THSD1: variants seen among roughly 807,000 people sequenced by gnomAD.
THSD1 encodes the protein thrombospondin type 1 domain containing 1.
A neutral mutation model predicts 46.3 loss-of-function variants in THSD1; 34 were observed. The observed-to-expected ratio is 0.74, with a 90% CI of 0.56 to 0.98. THSD1 has a LOEUF of 0.98. Among genes scored for constraint, THSD1 ranks in the 50% least tolerant of loss-of-function variants. THSD1 has a pLI of 0.00. For missense variants in THSD1, 1,023 were observed against 1,058.3 expected (o/e 0.97, Z 0.46); for synonymous variants, 407 against 416.5 (o/e 0.98, Z 0.28).
In THSD1 at chr13:52,378,000, T is replaced by G. The variant is rs779651974; in HGVS notation, c.1970A>C (p.His657Pro). Reference sequence around the variant, plus strand: ...GAACGGCCGGGCCTGCCTGGCTTCATGGAAACTCGCTGTCCTCCTGAAATG... The same window carrying G: ...GAACGGCCGGGCCTGCCTGGCTTCAGGGAAACTCGCTGTCCTCCTGAAATG... The part of the protein sequence containing the change: ...NAHFRRTASF[H>P]EARQARPFRE... The change falls in exon 5 of 5, where the codon CAT (histidine) becomes CCT (proline). Residue 657 changes from histidine (H) to proline (P), a missense_variant. By Grantham distance (77) the His-to-Pro change is moderately conservative. Around this residue, in one of 3 missense-constraint regions of THSD1, gnomAD observed 578 missense variants for 497.4 expected, o/e 1.16. Coordinates refer to ENST00000258613, the MANE Select transcript of THSD1 (RefSeq NM_018676.4). 1.9e-6 allele frequency: 3 copies of G among 1,614,182 alleles called. No homozygotes were observed. The highest frequency in any genetic ancestry group is 2.5e-6 in the Non-Finnish European group (3 of 1,180,042).
chr13:52,406,010 G>C (rs953760801), intron 1 of THSD1, 21 bp downstream of exon 1: 1 of 152,308 alleles, frequency 6.6e-6, no homozygotes, highest in Non-Finnish European at 1.5e-5. Flanking sequence ...CGAACACCAG[G>C]ATGCGGAGGG....
intron 4 of THSD1, among the ~76,000 whole-genome samples, chr13:52,383,413 C>T (rs968984252): frequency 6.6e-6 from 1 of 152,232 alleles, no homozygotes; most frequent in Non-Finnish European, 1.5e-5. Context: ...TAAGAACATT[C>T]TTTTAAAGCC....
intron 3 of THSD1, among the ~76,000 whole-genome samples, chr13:52,386,571 G>A (rs1957732170): frequency 6.6e-6 from 1 of 152,128 alleles, no homozygotes; most frequent in Non-Finnish European, 1.5e-5. Context: ...AAAGCCTAGT[G>A]GAGTAGCACA....
At chr13:52,398,218 G>T in intron 2 of THSD1, 24 bp from the exon 3 acceptor site, 1 of 1,585,538 alleles carries the variant, frequency 6.3e-7, no homozygotes. Context: ...GTCAGAATTG[G>T]TTTTTAAAAG....
intron 3 of THSD1, 56 bp downstream of exon 3, chr13:52,397,176 A>T: frequency 7.0e-7 from 1 of 1,427,356 alleles, no homozygotes; most frequent in African/African-American, 1.4e-5. Context: ...AATTCTAAAT[A>T]ATTTTGATTA....
intron 3 of THSD1, 116 bp downstream of exon 3, chr13:52,397,116 T>C: frequency 2.2e-6 from 2 of 915,032 alleles, no homozygotes; most frequent in East Asian, 5.2e-5. Flanking sequence ...TGGTACATTA[T>C]AAGGCATGAA....
chr13:52,392,190 CAAAAA>C (rs368671089), intron 3 of THSD1, among the ~76,000 whole-genome samples: 93 of 69,716 alleles, frequency 1.3e-3, no homozygotes, highest in Middle Eastern at 8.6e-3. Context: ...AGACTCCTCT[CAAAAA>C]AAAAAAAAAA....
Position 52,378,333 on chromosome 13 carries a change from G to C in THSD1, c.1637C>G (p.Thr546Arg), listed in dbSNP as rs750456817. 3.1e-6 allele frequency: 5 copies of C among 1,614,192 alleles called. No homozygotes were observed. The highest frequency in any genetic ancestry group is 3.4e-6 in the Non-Finnish European group (4 of 1,180,044). ...QLKEMKKKGL[T>R]ETTKVYHVSQ... is the part of the protein sequence containing the mutation. ...CACGTGATACACTTTGGTAGTTTCCGTCAGACCTTTCTTTTTCATCTCCTT... is the reference window on the plus strand; with the variant it reads ...CACGTGATACACTTTGGTAGTTTCCCTCAGACCTTTCTTTTTCATCTCCTT... Residue 546 changes from threonine to arginine, a missense_variant, in exon 5 of 5, where the codon ACG becomes AGG. Around this residue, in one of 3 missense-constraint regions of THSD1, gnomAD observed 578 missense variants for 497.4 expected, o/e 1.16. Coordinates refer to ENST00000258613, the MANE Select transcript of THSD1 (RefSeq NM_018676.4).
chr13:52,382,916 C>T (rs758214436), intron 4 of THSD1, among the ~76,000 whole-genome samples: 1 of 151,962 alleles, frequency 6.6e-6, no homozygotes, highest in Non-Finnish European at 1.5e-5. Flanking sequence ...GCAGCAGAAT[C>T]GCTTGAACCC....
At chr13:52,381,870 G>T (rs1317748239) in intron 4 of THSD1, among the ~76,000 whole-genome samples, 2 of 152,152 alleles carry the variant, frequency 1.3e-5, no homozygotes, top group Non-Finnish European at 2.9e-5. Flanking sequence ...GTCTGCATTT[G>T]CTTACTGCTC....
intron 2 of THSD1, among the ~76,000 whole-genome samples, chr13:52,400,912 C>T (rs990389465): frequency 8.5e-5 from 13 of 152,122 alleles, no homozygotes; most frequent in African/African-American, 3.1e-4. Context: ...AAACCAAGAA[C>T]ACATACTTTT....
chr13:52,377,378 C>T lies in THSD1; in HGVS notation c.*33G>A, dbSNP rs1347128002. 6 of 1,521,058 alleles carry T rather than the reference C, an allele frequency of 3.9e-6. No homozygotes were observed. The Admixed American group carries it at 1.2e-4, about 31-fold the overall frequency. 94.2% of individuals were successfully genotyped at this position (1,521,058 alleles called of 1,614,324 possible). A position where few individuals can be genotyped will look rare whatever the true frequency, so the allele number is the denominator to read the frequency against. ...AGTCTACAAAACGCGAGTAGCAGAC[C>T]CCAGCTGTGTAAAGCTCAGGCTGAT... is the stretch of plus-strand genomic sequence containing the variant. On this transcript the variant is annotated 3_prime_UTR_variant, in exon 5 of 5. Transcript: ENST00000258613.
intron 4 of THSD1, among the ~76,000 whole-genome samples, chr13:52,381,284 G>C (rs761914194): frequency 1.1e-4 from 17 of 152,114 alleles, no homozygotes; most frequent in Non-Finnish European, 1.8e-4. Flanking sequence ...GCAGAAGTCT[G>C]ACCCTAGACA....
intron 3 of THSD1, among the ~76,000 whole-genome samples, chr13:52,396,399 G>T (rs1051421014): frequency 6.6e-6 from 1 of 152,082 alleles, no homozygotes; most frequent in Non-Finnish European, 1.5e-5. Flanking sequence ...GTGGGCGCCT[G>T]TAGTCCCAGC....
intron 4 of THSD1, among the ~76,000 whole-genome samples, chr13:52,381,396 C>T (rs766837880): frequency 9.2e-5 from 14 of 152,184 alleles, no homozygotes; most frequent in Non-Finnish European, 1.9e-4. Flanking sequence ...CCAACCTCAG[C>T]TGCCCACAAA....
At chr13:52,394,012 C>T (rs1020933136) in intron 3 of THSD1, among the ~76,000 whole-genome samples, 2 of 152,156 alleles carry the variant, frequency 1.3e-5, no homozygotes, top group African/African-American at 2.4e-5. Flanking sequence ...TAATGTGTCT[C>T]GCAGTTGGCT....
Position 52,392,383 on chromosome 13 carries a change from A to G in THSD1, c.1021+4849T>C, listed in dbSNP as rs866602975. On this transcript the variant is annotated intron_variant, in intron 3 of 4. Transcript: ENST00000258613. Reference sequence around the variant, plus strand: ...ATTTGTAAATGTCTTAAGTAACTCCATCTGATCCCTGAGATCTCCGCTAAT... The same window carrying G: ...ATTTGTAAATGTCTTAAGTAACTCCGTCTGATCCCTGAGATCTCCGCTAAT... Among the ~76,000 whole-genome samples the G allele has an allele frequency of 1.9e-4, 29 of 152,338 alleles. 1 individual carries two copies. The highest frequency in any genetic ancestry group is 4.1e-4 in the South Asian group (2 of 4,830).
Position 52,377,374 on chromosome 13 carries a change from A to C in THSD1, c.*37T>G. On this transcript the variant is annotated 3_prime_UTR_variant, in exon 5 of 5. Coordinates refer to ENST00000258613, the MANE Select transcript of THSD1 (RefSeq NM_018676.4). ...CAAAAGTCTACAAAACGCGAGTAGC[A>C]GACCCCAGCTGTGTAAAGCTCAGGC... is the stretch of plus-strand genomic sequence containing the variant. 6.6e-7 allele frequency: 1 copy of C among 1,505,814 alleles called. No individual in the cohort carries two copies. The highest frequency in any genetic ancestry group is 8.9e-7 in the Non-Finnish European group (1 of 1,124,082). The allele number at this position is 1,505,814 out of a possible 1,614,324, so 93.3% of individuals were successfully genotyped here. A position where few individuals can be genotyped will look rare whatever the true frequency, so the allele number is the denominator to read the frequency against.
At chr13:52,402,774 T>A in intron 1 of THSD1, 93 bp from the exon 2 acceptor site, 2 of 1,398,218 alleles carry the variant, frequency 1.4e-6, no homozygotes, top group Non-Finnish European at 1.9e-6. Context: ...AAACTCAAAC[T>A]TTCTAAGTGA....
Sources: allele counts gnomAD v4.1 joint callset (sites outside exome capture counted in the v4.1 genomes callset), GRCh38; gene constraint gnomAD v4.1.1; regional missense constraint gnomAD v4.1.1; transcripts MANE v1.5; gene names NCBI Gene and HGNC (gene_info 2026-07-23, HGNC 2026-07-21).